The following FUBP3 variants were observed in gnomAD, a reference collection of about 807,000 sequenced individuals.
The protein encoded by FUBP3 is far upstream element-binding protein 3.
Under a neutral mutation model 85.6 loss-of-function variants are expected in FUBP3, and 28 were observed. The observed-to-expected ratio is 0.33, with a 90% CI of 0.24 to 0.45. The LOEUF is 0.45. Ranked by LOEUF, FUBP3 falls within the 20% of genes least tolerant of loss-of-function variation. FUBP3 has a pLI of 1.00. For synonymous variants in FUBP3, 271 were observed against 271.4 expected (o/e 1.00, Z 0.01); for missense variants, 583 against 755.1 (o/e 0.77, Z 2.67).
chr9:130,626,639 G>A (rs1829988599), intron 12 of FUBP3, 134 bp downstream of exon 12: 1 of 811,604 alleles, frequency 1.2e-6, no homozygotes, highest in African/African-American at 1.7e-5. Flanking sequence ...GGAGGCAGTA[G>A]CCACCTTCTG....
chr9:130,600,145 T>C (rs1331914360), intron 2 of FUBP3, among the ~76,000 whole-genome samples: 4 of 117,544 alleles, frequency 3.4e-5, no homozygotes, highest in Non-Finnish European at 5.0e-5. Context: ...CTCTTTTCCC[T>C]TTTTCACACA....
At chr9:130,589,675 G>GTGTATATATATA (rs869282275) in intron 1 of FUBP3, among the ~76,000 whole-genome samples, 1 of 34,286 alleles carries the variant, frequency 2.9e-5, no homozygotes, top group Non-Finnish European at 4.9e-5. Context: ...GTATGTGTGT[G>GTGTATATATATA]TATATATATA....
At chr9:130,611,482 A>G (rs1379558889) in intron 3 of FUBP3, among the ~76,000 whole-genome samples, 1 of 152,126 alleles carries the variant, frequency 6.6e-6, no homozygotes, top group African/African-American at 2.4e-5. Flanking sequence ...TCAAGGAGGG[A>G]GGGAGAAGAC....
chr9:130,611,241 G>A (rs377320691), intron 3 of FUBP3, among the ~76,000 whole-genome samples: 1 of 152,174 alleles, frequency 6.6e-6, no homozygotes, highest in Non-Finnish European at 1.5e-5. Flanking sequence ...CAGCCTCCTG[G>A]CCACACGCAC....
chr9:130,587,071 T>G (rs1265604055), intron 1 of FUBP3, among the ~76,000 whole-genome samples: 1 of 116,838 alleles, frequency 8.6e-6, no homozygotes, highest in African/African-American at 4.0e-5. Context: ...TTTTTTTGTT[T>G]GTTTGTTTTT....
chr9:130,588,934 G>C (rs1034231184), intron 1 of FUBP3, among the ~76,000 whole-genome samples: 19 of 152,312 alleles, frequency 1.2e-4, no homozygotes, highest in Middle Eastern at 3.4e-3. Flanking sequence ...ACCTCTCTGG[G>C]TGGCTGTGCC....
intron 15 of FUBP3, 66 bp downstream of exon 15, chr9:130,632,088 A>G: frequency 6.8e-7 from 1 of 1,476,692 alleles, no homozygotes; most frequent in South Asian, 1.1e-5. Context: ...GCTATTGCCG[A>G]CAGGCAAGGG....
Position 130,595,524 on chromosome 9 carries a change from C to T in FUBP3, c.126C>T (p.Ser42=), listed in dbSNP as rs1830826301. ...ATTCAATTCCTCACTTGAATAATTC[C>T]ACACCTCTAGTGGACCCCTCAGTAT... ...KIDSIPHLNN[S]TPLVDPSVYG... The change falls in exon 2 of 19, where the codon TCC becomes TCT. Residue 42 remains serine (S), a synonymous_variant. Coordinates refer to ENST00000319725, the MANE Select transcript of FUBP3 (RefSeq NM_003934.2). 8 of 1,595,018 alleles carry T rather than the reference C, an allele frequency of 5.0e-6. No individual in the cohort carries two copies. The East Asian group carries it at 1.8e-4, about 36-fold the overall frequency.
At chr9:130,621,569 AAC>A (rs1432041716) in intron 9 of FUBP3, among the ~76,000 whole-genome samples, 1 of 152,166 alleles carries the variant, frequency 6.6e-6, no homozygotes, top group African/African-American at 2.4e-5. Flanking sequence ...TCATTTTTAT[AAC>A]CATTTTGATC....
At chr9:130,629,733 G>C (rs1340921164) in intron 12 of FUBP3, among the ~76,000 whole-genome samples, 2 of 152,120 alleles carry the variant, frequency 1.3e-5, no homozygotes, top group East Asian at 3.9e-4. Flanking sequence ...GATCACCCAG[G>C]CTCGCTGCTG....
intron 1 of FUBP3, among the ~76,000 whole-genome samples, chr9:130,585,562 T>C (rs947427618): frequency 6.6e-6 from 1 of 152,152 alleles, no homozygotes; most frequent in Non-Finnish European, 1.5e-5. Flanking sequence ...GCAGTTAAGT[T>C]TGGGGAATGC....
Position 130,627,986 on chromosome 9 carries a change from G to C in FUBP3, c.1117+1481G>C, listed in dbSNP as rs578182644. Among the ~76,000 whole-genome samples the C allele has an allele frequency of 3.9e-5, 6 of 152,176 alleles. No homozygotes were observed. In the East Asian group the frequency reaches 9.7e-4, roughly 25 times the overall value. ...AGTGATGAGAACGAAGCAGTAACTGGTCTGTGTCCCATGCTTGAATAGCAG... is the reference window on the plus strand; with the variant it reads ...AGTGATGAGAACGAAGCAGTAACTGCTCTGTGTCCCATGCTTGAATAGCAG... On this transcript the variant is annotated intron_variant, in intron 12 of 18. Transcript: ENST00000319725.
At chr9:130,602,892 C>T (rs1831224340) in intron 2 of FUBP3, among the ~76,000 whole-genome samples, 1 of 152,098 alleles carries the variant, frequency 6.6e-6, no homozygotes. Context: ...CACGTCTGCC[C>T]CTGAAGGTTA....
At chr9:130,584,361 C>T (rs1395390968) in intron 1 of FUBP3, among the ~76,000 whole-genome samples, 3 of 151,826 alleles carry the variant, frequency 2.0e-5, no homozygotes, top group African/African-American at 7.3e-5. Flanking sequence ...AACCCCATCT[C>T]TGCTAAAAAT....
intron 1 of FUBP3, among the ~76,000 whole-genome samples, chr9:130,582,498 G>T (rs992896570): frequency 2.0e-5 from 3 of 151,826 alleles, no homozygotes; most frequent in Admixed American, 6.6e-5. Context: ...ATCTCATTCA[G>T]TTCCATGGAT....
intron 1 of FUBP3, among the ~76,000 whole-genome samples, chr9:130,589,673 G>T (rs1366686515): frequency 3.5e-5 from 1 of 28,364 alleles, no homozygotes; most frequent in Non-Finnish European, 6.6e-5. Context: ...ATGTATGTGT[G>T]TGTATATATA....
intron 2 of FUBP3, among the ~76,000 whole-genome samples, chr9:130,601,819 T>TTTTTTTGG (rs1831170826): frequency 6.7e-6 from 1 of 148,766 alleles, no homozygotes. Context: ...TTTTTTTTTT[T>TTTTTTTGG]GAGATGGAGT....
intron 14 of FUBP3, 40 bp downstream of exon 14, chr9:130,631,670 C>A: frequency 6.8e-7 from 1 of 1,476,156 alleles, no homozygotes; most frequent in Non-Finnish European, 9.5e-7. Context: ...AGAATTCACT[C>A]GCTCCCCAGA....
At chr9:130,587,793 A>G (rs1001438542) in intron 1 of FUBP3, among the ~76,000 whole-genome samples, 21 of 152,206 alleles carry the variant, frequency 1.4e-4, no homozygotes, top group African/African-American at 4.1e-4. Flanking sequence ...TGATGGAGAC[A>G]GATCCAGTCC....
Sources: gnomAD v4.1 joint callset for allele counts (sites outside exome capture counted in the v4.1 genomes callset) on GRCh38, gnomAD v4.1.1 for gene constraint, MANE v1.5 for transcripts, NCBI Gene and HGNC (gene_info 2026-07-23, HGNC 2026-07-21) for gene names.